Variants in SLC22A14 observed in about 807,000 individuals in gnomAD.
SLC22A14 encodes the protein organic cation transporter-like 4.
A neutral mutation model predicts 53.9 loss-of-function variants in SLC22A14; 50 were observed. That is an observed-to-expected ratio of 0.93 (90% CI 0.74 to 1.17). The LOEUF is 1.17. Among genes scored for constraint, SLC22A14 ranks in the 50% most tolerant of loss-of-function variants. The probability of loss-of-function intolerance (pLI) is 0.00; values close to 1 mark genes in which losing one functional copy is unlikely to be tolerated. For missense variants in SLC22A14, 671 were observed against 734.7 expected (o/e 0.91, Z 1.00); for synonymous variants, 312 against 303.0 (o/e 1.03, Z -0.31).
intron 1 of SLC22A14, among the ~76,000 whole-genome samples, chr3:38,283,628 G>A (rs574994224): frequency 1.6e-3 from 250 of 152,226 alleles, no homozygotes; most frequent in Non-Finnish European, 2.5e-3. Context: ...TCAGGAGTTC[G>A]AGACCAGCCT....
At chr3:38,302,242 A>G (rs961113649) in intron 1 of SLC22A14, among the ~76,000 whole-genome samples, 15 of 147,326 alleles carry the variant, frequency 1.0e-4, no homozygotes, top group African/African-American at 3.5e-4. Context: ...CTCAAAAAAA[A>G]AAAGTATATA....
chr3:38,313,695 T>TGTGTGCGCGC (rs764031077), intron 7 of SLC22A14, 32 bp from the exon 8 acceptor site: 24 of 1,339,402 alleles, frequency 1.8e-5, no homozygotes, highest in Non-Finnish European at 2.0e-5. Context: ...TGCGCGCGTG[T>TGTGTGCGCGC]GCACGCGCAC....
intron 1 of SLC22A14, among the ~76,000 whole-genome samples, chr3:38,292,710 C>A (rs1237027098): frequency 6.6e-6 from 1 of 152,036 alleles, no homozygotes; most frequent in Non-Finnish European, 1.5e-5. Flanking sequence ...CCTTCTGTTG[C>A]CCAGACTTCA....
chr3:38,281,366 G>A (rs1051453866), upstream of SLC22A14, among the ~76,000 whole-genome samples: 1 of 151,890 alleles, frequency 6.6e-6, no homozygotes, highest in East Asian at 1.9e-4. Flanking sequence ...ATAACAGACT[G>A]CTTGAAACTG....
intron 1 of SLC22A14, among the ~76,000 whole-genome samples, chr3:38,297,227 AGTTGCAAGCCCCGTGTTT>A (rs1211860993): frequency 6.6e-6 from 1 of 152,190 alleles, no homozygotes; most frequent in Non-Finnish European, 1.5e-5. Flanking sequence ...GTATGAGCTA[AGTTGCAAGCCCCGTGTTT>A]AAAGGTGGAT....
chr3:38,307,279 CGAA>C lies in SLC22A14; in HGVS notation c.547_549del (p.Lys183del), dbSNP rs1559551121. ...TTTGACTTGGTATGTGGCATGGAGA[CGAA>C]GAAGGACACTGCACAGATCATGTTC... On this transcript the variant is annotated inframe_deletion, in exon 3 of 11. Transcript: ENST00000448498. This position sits in a 1 kb window ranked among gnomAD's most constrained non-coding sequence, Gnocchi z 4.4. 1 of 1,613,950 alleles carries C rather than the reference CGAA, an allele frequency of 6.2e-7. No homozygotes were observed. Among genetic ancestry groups the C allele is most frequent in the Non-Finnish European group, 8.5e-7 (1 of 1,179,808 alleles).
chr3:38,302,086 T>C (rs1372187742), intron 1 of SLC22A14, among the ~76,000 whole-genome samples: 1 of 150,446 alleles, frequency 6.6e-6, no homozygotes, highest in Non-Finnish European at 1.5e-5. Flanking sequence ...ATACAAAAAT[T>C]AGCCAGGCGT....
intron 5 of SLC22A14, among the ~76,000 whole-genome samples, chr3:38,310,006 A>T (rs1423572736): frequency 6.6e-6 from 1 of 152,116 alleles, no homozygotes; most frequent in Middle Eastern, 3.2e-3. Flanking sequence ...GGCACCTGGG[A>T]TTTGAACTCA....
intron 1 of SLC22A14, among the ~76,000 whole-genome samples, chr3:38,292,281 A>C (rs1157965284): frequency 6.6e-6 from 1 of 152,150 alleles, no homozygotes; most frequent in African/African-American, 2.4e-5. Flanking sequence ...GTGAGTTGAG[A>C]TGTTGGGTTA....
rs367951636 is a variant in SLC22A14 at position 38,304,185 on chromosome 3, T to C, written c.1-1842T>C. Reference sequence around the variant, plus strand: ...CAGCCTGGATGACAGAGCGAGACTCTGTCTCAAAAAAAAAAAAAAAGTTCA... The same window carrying C: ...CAGCCTGGATGACAGAGCGAGACTCCGTCTCAAAAAAAAAAAAAAAGTTCA... On this transcript the variant is annotated intron_variant, in intron 1 of 10. Transcript: ENST00000448498. 3.0e-3 allele frequency among the ~76,000 whole-genome samples: 437 copies of C among 144,538 alleles called. 2 individuals are homozygous for C. Among genetic ancestry groups the C allele is most frequent in the Middle Eastern group, 0.024 (7 of 290 alleles). The allele number at this position is 144,538 out of a possible 152,430, so 94.8% of individuals were successfully genotyped here.
chr3:38,286,831 A>G (rs1243103440), intron 1 of SLC22A14, among the ~76,000 whole-genome samples: 1 of 151,934 alleles, frequency 6.6e-6, no homozygotes, highest in Non-Finnish European at 1.5e-5. Flanking sequence ...TCCTGGGTTC[A>G]GGTGATTCTC....
chr3:38,313,815 A>G lies in SLC22A14; in HGVS notation c.1252A>G (p.Ile418Val), dbSNP rs1704552674. ...CCACTTCAGACACGTGGTCCCCAGC[A>G]TCATGGAGGTGCCTGCCCGGCTGTG... ...SVHFRHVVPSIMEVPARLCCI... is the reference protein window; with the variant it reads ...SVHFRHVVPSVMEVPARLCCI... The change falls in exon 8 of 11, where the codon ATC (isoleucine) becomes GTC (valine). Residue 418 changes from isoleucine to valine, a missense_variant. Coordinates refer to ENST00000448498, the MANE Select transcript of SLC22A14 (RefSeq NM_001320033.2). 6.2e-7 allele frequency: 1 copy of G among 1,614,010 alleles called. No homozygotes were observed. The highest frequency in any genetic ancestry group is 1.3e-5 in the African/African-American group (1 of 74,898).
chr3:38,315,440 T>A (rs1704593045), intron 8 of SLC22A14, 118 bp from the exon 9 acceptor site: 2 of 1,091,330 alleles, frequency 1.8e-6, no homozygotes, highest in East Asian at 5.1e-5. Context: ...CTGCCACTCC[T>A]CTGACAGAAT....
chr3:38,279,498 G>T (rs767020663), upstream of SLC22A14, among the ~76,000 whole-genome samples: 2 of 152,304 alleles, frequency 1.3e-5, no homozygotes, highest in South Asian at 4.1e-4. Context: ...GGCCAGGCTG[G>T]TCTCAAACTC....
chr3:38,296,205 T>G (rs2125877916), intron 1 of SLC22A14, among the ~76,000 whole-genome samples: 1 of 152,344 alleles, frequency 6.6e-6, no homozygotes, highest in East Asian at 1.9e-4. Flanking sequence ...AATAGAGACT[T>G]CTGGCTGTGC....
At chr3:38,281,636 C>T (rs909170874), upstream of SLC22A14, among the ~76,000 whole-genome samples, 9 of 152,216 alleles carry the variant, frequency 5.9e-5, no homozygotes, top group East Asian at 3.8e-4. Context: ...AGATTACACT[C>T]ATGACCCAAT....
At chr3:38,302,030 C>T (rs1294435795) in intron 1 of SLC22A14, among the ~76,000 whole-genome samples, 2 of 150,872 alleles carry the variant, frequency 1.3e-5, no homozygotes. Flanking sequence ...GTCAGGAGTT[C>T]AAGACCAGCC....
chr3:38,281,332 G>A (rs762123773), upstream of SLC22A14, among the ~76,000 whole-genome samples: 2 of 151,972 alleles, frequency 1.3e-5, no homozygotes, highest in African/African-American at 2.4e-5. Flanking sequence ...TTAAGTGTCT[G>A]TGTTAGTCCA....
rs760278011 is a variant in SLC22A14, at chr3:38,306,261, ATG to A, written c.237_238del (p.Met79IlefsTer8). The A allele has an allele frequency of 4.3e-6, 7 of 1,614,166 alleles. No individual in the cohort carries two copies. The Admixed American group carries it at 1.0e-4, about 23-fold the overall frequency. ...AGCCCTCACCTTTATCCCCAGCATC[ATG>A]TCGGCCTTCTTCATGTTTGCTGACC... ...LVALTFIPSI[M>X]SAFFMFADHF... On this transcript the variant is annotated frameshift_variant, in exon 2 of 11. Coordinates refer to ENST00000448498, the MANE Select transcript of SLC22A14 (RefSeq NM_001320033.2). LOFTEE classifies it high-confidence loss of function.
Sources: allele counts gnomAD v4.1 joint callset (sites outside exome capture counted in the v4.1 genomes callset), GRCh38; gene constraint gnomAD v4.1.1; non-coding constraint Gnocchi (gnomAD v3.1); transcripts MANE v1.5; gene names NCBI Gene and HGNC (gene_info 2026-07-23, HGNC 2026-07-21).